The following DNAH9 variants were observed in gnomAD, a reference collection of about 807,000 sequenced individuals.
The protein encoded by DNAH9 is dynein axonemal heavy chain 9, also known as DNAH9 variant protein.
Under a neutral mutation model 471.6 loss-of-function variants are expected in DNAH9, and 345 were observed. That is an observed-to-expected ratio of 0.73 (90% CI 0.67 to 0.80). The LOEUF is 0.80. DNAH9 is among the 30% of genes least tolerant of loss of function. The probability of loss-of-function intolerance (pLI) is 0.00; values close to 1 mark genes in which losing one functional copy is unlikely to be tolerated. For missense variants in DNAH9, 5,407 were observed against 5,609.2 expected, an observed-to-expected ratio of 0.96 and a Z score of 1.15; for synonymous variants, 2,093 against 2,123.6, an observed-to-expected ratio of 0.99 and a Z score of 0.40.
chr17:11,958,942 G>A (rs77068585), intron 67 of DNAH9, among the ~76,000 whole-genome samples: 64 of 151,976 alleles, frequency 4.2e-4, no homozygotes, highest in East Asian at 3.5e-3. Flanking sequence ...GGCTAAATGC[G>A]GTAATCCTAG....
chr17:11,784,820 A>G (rs995879681), intron 41 of DNAH9, among the ~76,000 whole-genome samples: 2 of 152,100 alleles, frequency 1.3e-5, no homozygotes, highest in Admixed American at 1.3e-4. Context: ...CACCTTGGAG[A>G]TAGTCTTATA....
intron 7 of DNAH9, 71 bp from the exon 8 acceptor site, chr17:11,632,516 C>T (rs2073089257): frequency 8.1e-6 from 6 of 742,774 alleles, no homozygotes; most frequent in Admixed American, 3.9e-5. Context: ...CAAAAGTTAG[C>T]TGTGAGGAGC....
intron 45 of DNAH9, among the ~76,000 whole-genome samples, chr17:11,816,702 C>T (rs951866991): frequency 1.3e-5 from 2 of 152,170 alleles, no homozygotes; most frequent in Non-Finnish European, 2.9e-5. Context: ...GGATCTCTTT[C>T]CTGAAAAGCA....
chr17:11,938,470 CAAAA>C (rs1974788017), intron 66 of DNAH9, among the ~76,000 whole-genome samples: 2 of 112,434 alleles, frequency 1.8e-5, no homozygotes, highest in South Asian at 5.3e-4. Flanking sequence ...AAAAAAAAAA[CAAAA>C]AAAGAATGGG....
chr17:11,766,813 A>AT (rs1478528160), intron 36 of DNAH9, among the ~76,000 whole-genome samples: 1 of 152,010 alleles, frequency 6.6e-6, no homozygotes, highest in Non-Finnish European at 1.5e-5. Flanking sequence ...AAATACAAAA[A>AT]ATTAGCCGGG....
chr17:11,968,613 T>G (rs1976933592), intron 68 of DNAH9, among the ~76,000 whole-genome samples: 1 of 152,262 alleles, frequency 6.6e-6, no homozygotes, highest in African/African-American at 2.4e-5. Context: ...GTGTATGTTG[T>G]AAAACGTCAA....
intron 18 of DNAH9, among the ~76,000 whole-genome samples, 168 bp from the exon 19 acceptor site, chr17:11,680,555 G>A (rs144276404): frequency 1.3e-4 from 20 of 152,246 alleles, no homozygotes; most frequent in African/African-American, 3.6e-4. Context: ...GAAGGAAGTC[G>A]AGGAAGAGTG....
At position 11,756,627 on chromosome 17, in the gene DNAH9, T is replaced by A. The variant is rs990489480; in HGVS notation, c.6798T>A (p.Phe2266Leu). 2 of 1,613,946 alleles carry A rather than the reference T, an allele frequency of 1.2e-6. No individual in the cohort carries two copies. ...TGAACCCCACCATGAAGCTCCTCTT[T>A]GAGATCAGCCACCTGCGCACAGCCA... ...IPLNPTMKLLFEISHLRTATP... is the reference protein window; with the variant it reads ...IPLNPTMKLLLEISHLRTATP... The change falls in exon 34 of 69, where the codon TTT (phenylalanine) becomes TTA (leucine). Residue 2266 changes from phenylalanine to leucine, a missense_variant. By Grantham distance (22) the Phe-to-Leu change is conservative. This residue lies in a region of DNAH9 where 4,636 missense variants were observed against 4,900.3 expected (regional missense o/e 0.95). Coordinates refer to ENST00000262442, the MANE Select transcript of DNAH9 (RefSeq NM_001372.4).
At position 11,603,467 on chromosome 17, in the gene DNAH9, C is replaced by A. The variant is rs369956040; in HGVS notation, c.417+4552C>A. ...CAGCATCTCTCCTTGTATCTTCTGC[C>A]ATCCCATCCGTTGCTAGAGGTAAAC... On this transcript the variant is annotated intron_variant, in intron 1 of 68. Transcript: ENST00000262442. Among the ~76,000 whole-genome samples the A allele has an allele frequency of 2.4e-4, 37 of 152,316 alleles. No individual in the cohort carries two copies. In the East Asian group the frequency reaches 6.6e-3, roughly 27 times the overall value.
intron 19 of DNAH9, among the ~76,000 whole-genome samples, chr17:11,683,204 A>G (rs2074167628): frequency 1.3e-5 from 2 of 152,140 alleles, no homozygotes; most frequent in Admixed American, 6.5e-5. Context: ...GACAGAGTCT[A>G]ACTCTGTCAC....
intron 55 of DNAH9, among the ~76,000 whole-genome samples, chr17:11,882,336 A>C (rs1018460246): frequency 2.0e-5 from 3 of 152,224 alleles, no homozygotes; most frequent in African/African-American, 7.2e-5. Context: ...TCTCCAATAT[A>C]GTCACATGGG....
chr17:11,619,788 GCGCA>G lies in DNAH9; in HGVS notation c.1350+9_1350+12del. The G allele has an allele frequency of 6.6e-7, 1 of 1,516,314 alleles. No individual in the cohort carries two copies. The highest frequency in any genetic ancestry group is 9.2e-7 in the Non-Finnish European group (1 of 1,090,842). The allele number at this position is 1,516,314 out of a possible 1,614,324, so 93.9% of individuals were successfully genotyped here. A position where few individuals can be genotyped will look rare whatever the true frequency, so the allele number is the denominator to read the frequency against. On this transcript the variant is annotated splice_region_variant and intron_variant, in intron 6 of 68. Transcript: ENST00000262442. ...ACAACTGCACGTGGTGGAGGTGAGTGCGCACCTCACCTCAGGCTGCCAGCCCCAG... is the reference window on the plus strand; with the variant it reads ...ACAACTGCACGTGGTGGAGGTGAGTGCCTCACCTCAGGCTGCCAGCCCCAG...
intron 27 of DNAH9, among the ~76,000 whole-genome samples, chr17:11,725,708 C>T (rs889676550): frequency 6.6e-6 from 1 of 151,894 alleles, no homozygotes; most frequent in Admixed American, 6.6e-5. Flanking sequence ...CTCCACTAAA[C>T]ATACAAAAAT....
intron 38 of DNAH9, among the ~76,000 whole-genome samples, chr17:11,773,467 C>T (rs1432811534): frequency 6.6e-6 from 1 of 152,026 alleles, no homozygotes; most frequent in Non-Finnish European, 1.5e-5. Context: ...AGATATAGAA[C>T]AGTATATATA....
At chr17:11,755,460 A>T (rs555122288) in intron 33 of DNAH9, among the ~76,000 whole-genome samples, 14 of 152,248 alleles carry the variant, frequency 9.2e-5, no homozygotes, top group Non-Finnish European at 1.3e-4. Context: ...TGAACACGGG[A>T]TATTTTTCCA....
chr17:11,834,597 C>T (rs571049829), intron 48 of DNAH9, 41 bp from the exon 49 acceptor site: 127 of 1,609,394 alleles, frequency 7.9e-5, no homozygotes, highest in Non-Finnish European at 1.0e-4. Context: ...ACAGTCCCTC[C>T]AGTCACAACT....
chr17:11,712,971 G>A (rs1478106756), intron 26 of DNAH9, among the ~76,000 whole-genome samples: 1 of 151,904 alleles, frequency 6.6e-6, no homozygotes, highest in Non-Finnish European at 1.5e-5. Context: ...TCATGACATG[G>A]GGGTTCGTGG....
intron 2 of DNAH9, among the ~76,000 whole-genome samples, chr17:11,609,102 G>A (rs1394449679): frequency 6.6e-6 from 1 of 152,192 alleles, no homozygotes; most frequent in South Asian, 2.1e-4. Context: ...ACATGAGCTC[G>A]GTCTGCCACA....
At position 11,651,277 on chromosome 17, in the gene DNAH9, A is replaced by G. The variant is rs1260073978; in HGVS notation, c.2306A>G (p.Asp769Gly). 6.2e-7 allele frequency: 1 copy of G among 1,613,860 alleles called. No homozygotes were observed. The highest frequency in any genetic ancestry group is 1.7e-5 in the Admixed American group (1 of 60,000). Residue 769 changes from aspartate to glycine, a missense_variant, in exon 13 of 69, where the codon GAT (aspartate) becomes GGT (glycine). By Grantham distance (94) the Asp-to-Gly change is moderately conservative (BLOSUM62 -1). Coordinates refer to ENST00000262442, the MANE Select transcript of DNAH9 (RefSeq NM_001372.4). ...PLVEEELQNI[D>G]LRLRAAEETL... ...GTGGAGGAAGAGCTGCAAAATATTGATCTCCGCCTCAGAGCAGCAGAGGAG... is the reference window on the plus strand; with the variant it reads ...GTGGAGGAAGAGCTGCAAAATATTGGTCTCCGCCTCAGAGCAGCAGAGGAG...
Sources: allele counts gnomAD v4.1 joint callset (sites outside exome capture counted in the v4.1 genomes callset), GRCh38; gene constraint gnomAD v4.1.1; regional missense constraint gnomAD v4.1.1; transcripts MANE v1.5; gene names NCBI Gene and HGNC (gene_info 2026-07-23, HGNC 2026-07-21).